STK39: variants seen among roughly 807,000 people sequenced by gnomAD.
STK39 encodes the protein serine/threonine kinase 39, also known as STE20/SPS1-related proline-alanine-rich protein kinase.
In STK39, 20 loss-of-function variants were observed where a neutral mutation model predicts 77.8. The observed-to-expected ratio is 0.26, with a 90% CI of 0.18 to 0.37. The LOEUF (loss-of-function observed/expected upper bound fraction) is 0.37, where lower values mean the gene tolerates loss of function less well. Ranked by LOEUF, STK39 falls within the 10% of genes least tolerant of loss-of-function variation. The probability of loss-of-function intolerance (pLI) is 1.00; values close to 1 mark genes in which losing one functional copy is unlikely to be tolerated. For missense variants in STK39, 479 were observed against 656.5 expected, an observed-to-expected ratio of 0.73 and a Z score of 2.95; for synonymous variants, 246 against 234.1, an observed-to-expected ratio of 1.05 and a Z score of -0.47.
intron 16 of STK39, among the ~76,000 whole-genome samples, chr2:167,989,116 T>C (rs1051765433): frequency 6.6e-6 from 1 of 152,188 alleles, no homozygotes; most frequent in South Asian, 2.1e-4. Flanking sequence ...ATGAGGTGGG[T>C]GATCAATGTT....
intron 12 of STK39, among the ~76,000 whole-genome samples, chr2:168,065,950 C>T: frequency 6.6e-6 from 1 of 151,958 alleles, no homozygotes; most frequent in Non-Finnish European, 1.5e-5. Flanking sequence ...CTAAGGTTAC[C>T]CCCAAATTAT....
At chr2:168,138,332 C>T in intron 7 of STK39, 111 bp from the exon 8 acceptor site, 1 of 1,379,318 alleles carries the variant, frequency 7.2e-7, no homozygotes, top group Non-Finnish European at 9.6e-7. Context: ...ATACAAAGTG[C>T]TTTCCCATGA....
At chr2:168,076,698 T>A (rs1444788008) in intron 10 of STK39, among the ~76,000 whole-genome samples, 2 of 152,100 alleles carry the variant, frequency 1.3e-5, no homozygotes, top group East Asian at 3.8e-4. Context: ...TAAAAAAAGC[T>A]TTTTTCTCCA....
At chr2:168,118,972 C>T (rs1687337295) in intron 10 of STK39, among the ~76,000 whole-genome samples, 1 of 152,176 alleles carries the variant, frequency 6.6e-6, no homozygotes. Flanking sequence ...GAACGCCTGT[C>T]CCTGTAACAG....
intron 10 of STK39, among the ~76,000 whole-genome samples, chr2:168,080,937 C>A (rs950818430): frequency 6.6e-6 from 1 of 152,212 alleles, no homozygotes; most frequent in African/African-American, 2.4e-5. Flanking sequence ...CCTGTAGATG[C>A]ACAGAAGTCA....
chr2:168,242,560 AATATATATATATATAT>A (rs59941306), intron 1 of STK39, among the ~76,000 whole-genome samples: 896 of 44,862 alleles, frequency 0.02, 80 homozygotes, highest in African/African-American at 0.087. Context: ...AAAAAAAAAA[AATATATATATATATAT>A]ATATATATAT....
chr2:168,048,576 C>A (rs1165806206), intron 14 of STK39, among the ~76,000 whole-genome samples: 1 of 152,006 alleles, frequency 6.6e-6, no homozygotes, highest in Admixed American at 6.5e-5. Context: ...AATATTGGAC[C>A]AAACTGGGCC....
chr2:168,107,176 G>A (rs1407689251), intron 10 of STK39, among the ~76,000 whole-genome samples: 1 of 152,158 alleles, frequency 6.6e-6, no homozygotes, highest in Non-Finnish European at 1.5e-5. Flanking sequence ...AAAGTCAGAA[G>A]GTGACTGCGA....
intron 1 of STK39, among the ~76,000 whole-genome samples, chr2:168,218,359 C>A (rs1690076251): frequency 6.6e-6 from 1 of 152,336 alleles, no homozygotes; most frequent in Admixed American, 6.5e-5. Context: ...TTCACTTTCG[C>A]AGTGTTCAAC....
intron 10 of STK39, among the ~76,000 whole-genome samples, chr2:168,109,713 C>G (rs1296227680): frequency 6.6e-6 from 1 of 152,198 alleles, no homozygotes; most frequent in Non-Finnish European, 1.5e-5. Context: ...AGTCTACATC[C>G]TGACCAAAAT....
chr2:168,106,683 G>C (rs375110966), intron 10 of STK39, among the ~76,000 whole-genome samples: 7 of 152,124 alleles, frequency 4.6e-5, no homozygotes, highest in East Asian at 1.9e-4. Flanking sequence ...TTAGCTGGGC[G>C]TGGTGGTGCG....
At chr2:168,033,802 C>A (rs1684885271) in intron 14 of STK39, among the ~76,000 whole-genome samples, 1 of 152,166 alleles carries the variant, frequency 6.6e-6, no homozygotes, top group Non-Finnish European at 1.5e-5. Context: ...GATTGTAACA[C>A]TGACGAGCTA....
At chr2:168,195,549 T>C (rs1689447353) in intron 1 of STK39, among the ~76,000 whole-genome samples, 1 of 152,236 alleles carries the variant, frequency 6.6e-6, no homozygotes, top group Non-Finnish European at 1.5e-5. Context: ...CTACAGTATG[T>C]GAATGAAAAT....
intron 1 of STK39, among the ~76,000 whole-genome samples, chr2:168,235,766 C>T (rs887128939): frequency 6.6e-5 from 10 of 151,952 alleles, no homozygotes; most frequent in Non-Finnish European, 1.5e-4. Context: ...CATCCATGTC[C>T]CTACAAAGGA....
At chr2:168,191,594 C>T (rs1689342019) in intron 1 of STK39, among the ~76,000 whole-genome samples, 1 of 152,086 alleles carries the variant, frequency 6.6e-6, no homozygotes, top group Non-Finnish European at 1.5e-5. Context: ...ACAATTATTG[C>T]AACTGGAGGC....
chr2:167,979,990 G>T (rs80306957), intron 16 of STK39, among the ~76,000 whole-genome samples: 1 of 152,158 alleles, frequency 6.6e-6, no homozygotes, highest in African/African-American at 2.4e-5. Context: ...TTACATCCAG[G>T]AGCACATTCT....
chr2:167,997,857 G>A (rs189198975), intron 16 of STK39, among the ~76,000 whole-genome samples: 6 of 152,228 alleles, frequency 3.9e-5, no homozygotes, highest in African/African-American at 1.4e-4. Context: ...GGCGACTACA[G>A]TGCTGTATGA....
intron 10 of STK39, among the ~76,000 whole-genome samples, chr2:168,109,462 T>C (rs1687065003): frequency 6.6e-6 from 1 of 152,230 alleles, no homozygotes; most frequent in Non-Finnish European, 1.5e-5. Flanking sequence ...ATAGACAGCA[T>C]TTACTCATTC....
chr2:168,158,182 C>T (rs1688483459), intron 5 of STK39, among the ~76,000 whole-genome samples: 1 of 152,160 alleles, frequency 6.6e-6, no homozygotes, highest in African/African-American at 2.4e-5. Context: ...AAACCTATTA[C>T]ATTTTCCAAG....
Sources: allele counts gnomAD v4.1 joint callset (sites outside exome capture counted in the v4.1 genomes callset), GRCh38; gene constraint gnomAD v4.1.1; transcripts MANE v1.5; gene names NCBI Gene and HGNC (gene_info 2026-07-23, HGNC 2026-07-21).